GARRE1: variants seen among roughly 807,000 people sequenced by gnomAD.
The protein encoded by GARRE1 is granule associated Rac and RHOG effector protein 1.
Under a neutral mutation model 103.2 loss-of-function variants are expected in GARRE1, and 49 were observed. The observed-to-expected ratio is 0.47, with a 90% CI of 0.38 to 0.60. The LOEUF (loss-of-function observed/expected upper bound fraction) is 0.60. GARRE1 is among the 20% of genes least tolerant of loss of function. GARRE1 has a pLI of 0.00. For missense variants in GARRE1, 1,199 were observed against 1,370.5 expected (o/e 0.87, Z 1.98); for synonymous variants, 505 against 532.8 (o/e 0.95, Z 0.72).
At chr19:34,255,884 C>G (rs1025694383) in intron 1 of GARRE1, among the ~76,000 whole-genome samples, 1 of 151,898 alleles carries the variant, frequency 6.6e-6, no homozygotes, top group African/African-American at 2.4e-5. Context: ...CTCTGTCACC[C>G]AGGCTGGAGT....
chr19:34,275,380 G>C (rs2073811175), intron 1 of GARRE1, among the ~76,000 whole-genome samples: 1 of 151,880 alleles, frequency 6.6e-6, no homozygotes, highest in South Asian at 2.1e-4. Flanking sequence ...ATACCCATTA[G>C]CAGTCATCCC....
chr19:34,352,017 G>A (rs2074239805), intron 13 of GARRE1, among the ~76,000 whole-genome samples: 1 of 152,212 alleles, frequency 6.6e-6, no homozygotes, highest in African/African-American at 2.4e-5. Flanking sequence ...AGGATGGCTT[G>A]AACCCAGGAA....
intron 2 of GARRE1, among the ~76,000 whole-genome samples, chr19:34,301,261 A>G (rs1478094149): frequency 1.3e-5 from 2 of 152,200 alleles, no homozygotes; most frequent in African/African-American, 2.4e-5. Context: ...TTGTCTCTAC[A>G]AAAACTAAAA....
intron 1 of GARRE1, among the ~76,000 whole-genome samples, chr19:34,275,765 G>A (rs1364254533): frequency 2.0e-5 from 3 of 151,998 alleles, no homozygotes; most frequent in African/African-American, 7.3e-5. Context: ...TTGGTTGTGT[G>A]GTAATTTTAT....
Position 34,351,610 on chromosome 19 carries a change from G to T in GARRE1, c.2904+18G>T. The T allele has an allele frequency of 6.3e-7, 1 of 1,593,704 alleles. No homozygotes were observed. Among genetic ancestry groups the T allele is most frequent in the Non-Finnish European group, 8.6e-7 (1 of 1,162,002 alleles). ...TGAACCAGGTATTCAGGCAGGCTCT[G>T]TGGGCACAGACTTGGGCTAGCTTCC... On this transcript the variant is annotated intron_variant, in intron 13 of 13. Coordinates refer to ENST00000299505, the MANE Select transcript of GARRE1 (RefSeq NM_014686.5).
intron 2 of GARRE1, among the ~76,000 whole-genome samples, chr19:34,313,547 C>T (rs1307166721): frequency 1.3e-5 from 2 of 152,144 alleles, no homozygotes; most frequent in African/African-American, 4.8e-5. Flanking sequence ...CGGCCTCACC[C>T]AAGTGATGTG....
At chr19:34,349,310 C>G (rs56283653) in intron 12 of GARRE1, among the ~76,000 whole-genome samples, 157 bp downstream of exon 12, 319 of 152,270 alleles carry the variant, frequency 2.1e-3, no homozygotes, top group Non-Finnish European at 3.9e-3. Context: ...CTCTGAAGAG[C>G]ACCTGCAGGA....
intron 3 of GARRE1, 25 bp downstream of exon 3, chr19:34,320,141 G>A (rs2074079427): frequency 6.2e-7 from 1 of 1,602,314 alleles, no homozygotes; most frequent in Non-Finnish European, 8.5e-7. Flanking sequence ...GGGGAGATTG[G>A]TGCCTGTGTT....
intron 1 of GARRE1, among the ~76,000 whole-genome samples, chr19:34,292,005 T>C (rs1264572835): frequency 6.6e-6 from 1 of 152,080 alleles, no homozygotes; most frequent in Admixed American, 6.6e-5. Flanking sequence ...ATTACAGGCA[T>C]GTGCCACCAT....
chr19:34,283,292 A>G (rs2073866024), intron 1 of GARRE1, among the ~76,000 whole-genome samples: 1 of 152,250 alleles, frequency 6.6e-6, no homozygotes, highest in Admixed American at 6.5e-5. Context: ...CCATGTAAGT[A>G]GAAGTTAGTT....
chr19:34,340,676 G>A (rs1161502297), intron 9 of GARRE1, among the ~76,000 whole-genome samples: 4 of 152,016 alleles, frequency 2.6e-5, no homozygotes, highest in African/African-American at 9.7e-5. Flanking sequence ...GATTACAGGT[G>A]TACGCCCAGC....
rs529176238 is a variant in GARRE1 at position 34,344,026 on chromosome 19, C to A, written c.2521+1571C>A. On this transcript the variant is annotated intron_variant, in intron 10 of 13. Coordinates refer to ENST00000299505, the MANE Select transcript of GARRE1 (RefSeq NM_014686.5). Reference sequence around the variant, plus strand: ...GGACTTCACAGCAAATGCAGCAAGACAAAAAGCAATAAAATAAGTGGTCTA... The same window carrying A: ...GGACTTCACAGCAAATGCAGCAAGAAAAAAAGCAATAAAATAAGTGGTCTA... 3.5e-4 allele frequency among the ~76,000 whole-genome samples: 53 copies of A among 151,872 alleles called. 1 individual carries two copies. Among genetic ancestry groups the A allele is most frequent in the Middle Eastern group, 3.4e-3 (1 of 294 alleles).
chr19:34,306,088 G>A (rs1202317586), intron 2 of GARRE1, among the ~76,000 whole-genome samples: 1 of 152,182 alleles, frequency 6.6e-6, no homozygotes. Context: ...GGCCAATAAG[G>A]GTCTCTCTCA....
intron 1 of GARRE1, among the ~76,000 whole-genome samples, chr19:34,272,752 G>A (rs551576528): frequency 6.6e-5 from 10 of 152,310 alleles, no homozygotes; most frequent in African/African-American, 2.4e-4. Flanking sequence ...GTGGGATGGT[G>A]CAAGAATGGA....
At chr19:34,317,770 G>A (rs1274801998) in intron 2 of GARRE1, among the ~76,000 whole-genome samples, 1 of 152,214 alleles carries the variant, frequency 6.6e-6, no homozygotes, top group Non-Finnish European at 1.5e-5. Flanking sequence ...ACCTCATAGG[G>A]TGGTTCCTGG....
At chr19:34,348,087 G>T in intron 11 of GARRE1, 45 bp downstream of exon 11, 1 of 1,374,822 alleles carries the variant, frequency 7.3e-7, no homozygotes, top group Non-Finnish European at 9.5e-7. Context: ...AGACCCAGGT[G>T]TCCCCCGAGG....
At chr19:34,255,752 C>T (rs530900470) in intron 1 of GARRE1, among the ~76,000 whole-genome samples, 4 of 151,404 alleles carry the variant, frequency 2.6e-5, no homozygotes, top group Non-Finnish European at 5.9e-5. Context: ...CTCACGCCTT[C>T]GCCTTCCAAA....
chr19:34,350,658 T>C (rs956859950), intron 12 of GARRE1, among the ~76,000 whole-genome samples: 1 of 152,138 alleles, frequency 6.6e-6, no homozygotes, highest in Non-Finnish European at 1.5e-5. Flanking sequence ...CTTAGCTCAC[T>C]GCAAGCTCCG....
At chr19:34,289,762 A>G (rs1288601746) in intron 1 of GARRE1, among the ~76,000 whole-genome samples, 2 of 151,978 alleles carry the variant, frequency 1.3e-5, no homozygotes, top group Non-Finnish European at 2.9e-5. Context: ...AGGTTAAGCC[A>G]TTTATTTCAG....
Sources: allele counts gnomAD v4.1 joint callset (sites outside exome capture counted in the v4.1 genomes callset), GRCh38; gene constraint gnomAD v4.1.1; transcripts MANE v1.5; gene names NCBI Gene and HGNC (gene_info 2026-07-23, HGNC 2026-07-21).